The following FANCL variants were observed in gnomAD, a reference collection of about 807,000 sequenced individuals.
FANCL encodes E3 ubiquitin-protein ligase FANCL.
A neutral mutation model predicts 59.4 loss-of-function variants in FANCL; 69 were observed. The ratio of observed to expected loss-of-function variants is 1.16; its 90% CI spans 0.96 to 1.42. The LOEUF is 1.42. Ranked by LOEUF, FANCL falls within the 40% of genes most tolerant of loss-of-function variation. FANCL has a pLI of 0.00. For synonymous variants in FANCL, 180 were observed against 147.1 expected, an observed-to-expected ratio of 1.22 and a Z score of -1.62; for missense variants, 519 against 447.2, an observed-to-expected ratio of 1.16 and a Z score of -1.45.
intron 7 of FANCL, among the ~76,000 whole-genome samples, chr2:58,172,435 G>A (rs200244869): frequency 5.3e-5 from 8 of 152,130 alleles, no homozygotes; most frequent in East Asian, 1.9e-4. Flanking sequence ...AGCAGCATTC[G>A]TGGTTCAAGA....
At chr2:58,198,467 T>C in intron 7 of FANCL, 127 bp downstream of exon 7, 1 of 701,196 alleles carries the variant, frequency 1.4e-6, no homozygotes, top group Non-Finnish European at 2.5e-6. Flanking sequence ...ATATAAGAGA[T>C]TTGGGTATGC....
At chr2:58,233,656 T>G (rs1304559736) in intron 1 of FANCL, among the ~76,000 whole-genome samples, 3 of 151,910 alleles carry the variant, frequency 2.0e-5, no homozygotes, top group Admixed American at 1.3e-4. Context: ...ACTCTAGGAC[T>G]CCCACAGCAA....
intron 7 of FANCL, among the ~76,000 whole-genome samples, chr2:58,188,609 T>A (rs1438814891): frequency 6.6e-6 from 1 of 151,894 alleles, no homozygotes; most frequent in African/African-American, 2.4e-5. Context: ...CCCAGCTGAT[T>A]TTTGTATTTT....
At chr2:58,171,437 T>C (rs548342383) in intron 7 of FANCL, among the ~76,000 whole-genome samples, 125 of 152,132 alleles carry the variant, frequency 8.2e-4, no homozygotes, top group Admixed American at 3.1e-3. Flanking sequence ...AGAACTAAAA[T>C]TGACACCCTA....
At chr2:58,222,154 T>A in intron 4 of FANCL, 112 bp from the exon 5 acceptor site, 1 of 749,114 alleles carries the variant, frequency 1.3e-6, no homozygotes, top group South Asian at 1.7e-5. Flanking sequence ...TAAAAGTGCC[T>A]GTTTTTTTAC....
At chr2:58,182,023 T>C (rs1356335228) in intron 7 of FANCL, among the ~76,000 whole-genome samples, 1 of 151,732 alleles carries the variant, frequency 6.6e-6, no homozygotes, top group African/African-American at 2.4e-5. Flanking sequence ...GCTCACTATA[T>C]AAGACAAATT....
intron 5 of FANCL, among the ~76,000 whole-genome samples, chr2:58,216,252 A>G (rs1691710009): frequency 6.6e-6 from 1 of 152,198 alleles, no homozygotes; most frequent in African/African-American, 2.4e-5. Flanking sequence ...ACCCATCCTG[A>G]ACCCACTTGG....
Position 58,163,061 on chromosome 2 carries a change from C to T in FANCL, c.789G>A (p.Leu263=). 1.2e-6 allele frequency: 2 copies of T among 1,612,052 alleles called. No individual in the cohort carries two copies. Among genetic ancestry groups the T allele is most frequent in the Non-Finnish European group, 1.7e-6 (2 of 1,178,966 alleles). The part of the protein sequence containing the change: ...FLGADHVVKP[L]GIKLSRNIHL... Reference sequence around the variant, plus strand: ...GTATGTTCCTGCTCAGCTTAATTCCCAGGGGTTTTACCACTTCAGATTAAA... The same window carrying T: ...GTATGTTCCTGCTCAGCTTAATTCCTAGGGGTTTTACCACTTCAGATTAAA... Residue 263 remains leucine, a synonymous_variant, in exon 10 of 14, where the codon CTG becomes CTA. Coordinates refer to ENST00000233741, the MANE Select transcript of FANCL (RefSeq NM_018062.4).
intron 7 of FANCL, among the ~76,000 whole-genome samples, chr2:58,177,809 G>GA (rs1472763297): frequency 6.8e-6 from 1 of 146,508 alleles, no homozygotes; most frequent in East Asian, 2.0e-4. Flanking sequence ...AAAAGAAAAA[G>GA]AAAAAACAAA....
At chr2:58,241,116 C>T in intron 1 of FANCL, 102 bp downstream of exon 1, 1 of 1,275,526 alleles carries the variant, frequency 7.8e-7, no homozygotes, top group South Asian at 1.2e-5. Context: ...CTCTCAATCC[C>T]CACAAGTCTG....
chr2:58,159,966 AT>A, intron 13 of FANCL, 141 bp downstream of exon 13: 1 of 1,526,942 alleles, frequency 6.5e-7, no homozygotes, highest in Non-Finnish European at 8.8e-7. Flanking sequence ...AATGTTTTTG[AT>A]CAGAGAATTT....
chr2:58,166,660 T>C (rs866956237), intron 7 of FANCL, among the ~76,000 whole-genome samples: 25 of 152,246 alleles, frequency 1.6e-4, no homozygotes, highest in South Asian at 4.1e-4. Context: ...ATAAGAAGGA[T>C]TTGTTTCAAG....
chr2:58,178,056 G>A (rs538976354), intron 7 of FANCL, among the ~76,000 whole-genome samples: 12 of 152,030 alleles, frequency 7.9e-5, no homozygotes, highest in South Asian at 4.1e-4. Flanking sequence ...GTCAAATCCC[G>A]AAATAGATCG....
At chr2:58,202,553 C>T (rs1429834547) in intron 6 of FANCL, among the ~76,000 whole-genome samples, 1 of 151,468 alleles carries the variant, frequency 6.6e-6, no homozygotes, top group East Asian at 1.9e-4. Flanking sequence ...AATTCCTTCC[C>T]AGCTTAAATA....
chr2:58,163,535 T>G lies in FANCL; in HGVS notation c.692-18A>C, dbSNP rs780652198. On this transcript the variant is annotated intron_variant, in intron 8 of 13. Transcript: ENST00000233741. Reference sequence around the variant, plus strand: ...ATTATTACCTAGAATGAAACAAGATTAAATCTTTTAGAAGTAGAACAGCTC... The same window carrying G: ...ATTATTACCTAGAATGAAACAAGATGAAATCTTTTAGAAGTAGAACAGCTC... 2 of 1,491,100 alleles carry G rather than the reference T, an allele frequency of 1.3e-6. No homozygotes were observed. The highest frequency in any genetic ancestry group is 1.9e-6 in the Non-Finnish European group (2 of 1,069,264). 92.4% of individuals were successfully genotyped at this position (1,491,100 alleles called of 1,614,324 possible).
rs1193626169 is a variant in FANCL at position 58,204,157 on chromosome 2, A to G, written c.444T>C (p.His148=). Residue 148 remains histidine, a synonymous_variant, in exon 6 of 14, where the codon CAT becomes CAC. Coordinates refer to ENST00000233741, the MANE Select transcript of FANCL (RefSeq NM_018062.4). The part of the protein sequence containing the change: ...LKAEDASGRE[H]LITLKLKAKY... ...TTGCCTTCAACTTGAGAGTGATTAA[A>G]TGCTCTCTACCAGAAGCATCTTCTG... The G allele has an allele frequency of 5.0e-6, 8 of 1,613,242 alleles. No individual in the cohort carries two copies. The highest frequency in any genetic ancestry group is 5.9e-6 in the Non-Finnish European group (7 of 1,179,304).
At chr2:58,174,852 T>C (rs1201123793) in intron 7 of FANCL, among the ~76,000 whole-genome samples, 2 of 152,126 alleles carry the variant, frequency 1.3e-5, no homozygotes, top group Admixed American at 6.5e-5. Flanking sequence ...ATCCAGGAGC[T>C]GGTTTTCTGA....
upstream of FANCL, chr2:58,241,334 A>G (rs113983570): frequency 2.9e-5 from 47 of 1,612,740 alleles, no homozygotes; most frequent in African/African-American, 3.3e-4. Flanking sequence ...CCGGAGAAAC[A>G]CAGAAAAGCT....
intron 7 of FANCL, among the ~76,000 whole-genome samples, chr2:58,181,949 T>C (rs114768746): frequency 3.3e-5 from 5 of 151,740 alleles, no homozygotes; most frequent in African/African-American, 1.2e-4. Context: ...TTCAAATCTA[T>C]ATATTTAAAT....
Sources: gnomAD v4.1 joint callset for allele counts (sites outside exome capture counted in the v4.1 genomes callset) on GRCh38, gnomAD v4.1.1 for gene constraint, MANE v1.5 for transcripts, NCBI Gene and HGNC (gene_info 2026-07-23, HGNC 2026-07-21) for gene names.